The following C2 variants were observed in gnomAD, a reference collection of about 807,000 sequenced individuals.
C2 encodes the protein complement C2.
Under a neutral mutation model 85.2 loss-of-function variants are expected in C2, and 64 were observed. The ratio of observed to expected loss-of-function variants is 0.75; its 90% CI spans 0.61 to 0.92. C2 has a LOEUF of 0.92. Ranked by LOEUF, C2 falls within the 40% of genes least tolerant of loss-of-function variation. C2 has a pLI of 0.00. For missense variants in C2, 820 were observed against 971.6 expected (o/e 0.84, Z 2.07); for synonymous variants, 311 against 370.8 (o/e 0.84, Z 1.85).
chr6:31,930,166 C>A (rs1769620893), intron 3 of C2, among the ~76,000 whole-genome samples: 1 of 151,458 alleles, frequency 6.6e-6, no homozygotes, highest in African/African-American at 2.4e-5. Context: ...ACCGCAACAT[C>A]TGCCTCCCGG....
At chr6:31,937,832 G>A (rs537061224) in intron 8 of C2, among the ~76,000 whole-genome samples, 3 of 151,816 alleles carry the variant, frequency 2.0e-5, no homozygotes, top group Non-Finnish European at 2.9e-5. Flanking sequence ...GTGAAACCCC[G>A]TCTCTACTAA....
At chr6:31,927,605 A>G, upstream of C2, 1 of 1,580,364 alleles carries the variant, frequency 6.3e-7, no homozygotes, top group Non-Finnish European at 8.6e-7. The surrounding 1 kb of genome is among the most constrained non-coding windows in gnomAD (Gnocchi z 4.7). Context: ...TTATTTCCCT[A>G]ACAGAAGACC....
Position 31,934,266 on chromosome 6 carries a change from CTT to C in C2, c.817_818del (p.Phe273GlnfsTer15). 1 of 1,614,118 alleles carries C rather than the reference CTT, an allele frequency of 6.2e-7. No homozygotes were observed. The highest frequency in any genetic ancestry group is 8.5e-7 in the Non-Finnish European group (1 of 1,179,954). On this transcript the variant is annotated frameshift_variant, in exon 6 of 18. Coordinates refer to ENST00000299367, the MANE Select transcript of C2 (RefSeq NM_000063.6). LOFTEE classifies it high-confidence loss of function. ...QSVSENDFLI[F>X]KESASLMVDR... ...GTGTGTCGGAAAATGACTTTCTCATCTTCAAGGAGAGCGCCTCCCTCATGGTG... is the reference window on the plus strand; with the variant it reads ...GTGTGTCGGAAAATGACTTTCTCATCCAAGGAGAGCGCCTCCCTCATGGTG...
chr6:31,937,338 G>T lies in C2; in HGVS notation c.1008G>T (p.Gly336=), dbSNP rs1317780525. The T allele has an allele frequency of 6.2e-7, 1 of 1,612,884 alleles. No homozygotes were observed. Among genetic ancestry groups the T allele is most frequent in the South Asian group, 1.1e-5 (1 of 91,068 alleles). The change falls in exon 8 of 18, where the codon GGG becomes GGT. Residue 336 remains glycine, a synonymous_variant. Transcript: ENST00000299367. ...ANYKDHENGT[G]TNTYAALNSV... is the part of the protein sequence containing the mutation. ...TTCCAGATCATGAAAATGGAACTGG[G>T]ACTAACACCTATGCGGCCTTAAACA...
At chr6:31,934,523 A>G in intron 6 of C2, 1 of 1,316,974 alleles carries the variant, frequency 7.6e-7, no homozygotes, top group Non-Finnish European at 1.0e-6. Context: ...GACAGCAAAG[A>G]TGGAAAGGCT....
chr6:31,910,340 ATT>A (rs1209105027), intron 1 of C2, among the ~76,000 whole-genome samples: 1 of 137,086 alleles, frequency 7.3e-6, no homozygotes. Context: ...TCCTTTGCTC[ATT>A]TTTTTTTTTT....
upstream of C2, chr6:31,900,489 C>T (rs1311934802): frequency 6.2e-7 from 1 of 1,608,846 alleles, no homozygotes; most frequent in Non-Finnish European, 8.5e-7. This position sits in a 1 kb window ranked among gnomAD's most constrained non-coding sequence, Gnocchi z 9.7. Flanking sequence ...TCCCCTTCTG[C>T]ATCTTCCGAC....
chr6:31,916,242 T>A (rs1285459533), upstream of C2, among the ~76,000 whole-genome samples: 1 of 152,076 alleles, frequency 6.6e-6, no homozygotes, highest in African/African-American at 2.4e-5. Flanking sequence ...TGTGAGATCC[T>A]GAAGGAGGAA....
At chr6:31,918,144 G>A (rs902889539), upstream of C2, among the ~76,000 whole-genome samples, 1 of 152,028 alleles carries the variant, frequency 6.6e-6, no homozygotes, top group African/African-American at 2.4e-5. Context: ...ACTTAGCCTG[G>A]TATGATGGCA....
In C2 at chr6:31,945,167, C is replaced by A; in HGVS notation, c.2080-11C>A. ...TGGCAGCCTCCCAGCCAGTTCTCTC[C>A]TTTTCTCCAGGTGGGTCTGGTGAGC... On this transcript the variant is annotated splice_polypyrimidine_tract_variant and intron_variant, in intron 17 of 17. Transcript: ENST00000299367. This position sits in a 1 kb window ranked among gnomAD's most constrained non-coding sequence, Gnocchi z 5.3. 1 of 1,612,940 alleles carries A rather than the reference C, an allele frequency of 6.2e-7. No individual in the cohort carries two copies. The highest frequency in any genetic ancestry group is 8.5e-7 in the Non-Finnish European group (1 of 1,179,960).
intron 1 of C2, among the ~76,000 whole-genome samples, chr6:31,902,799 G>C (rs1767452394): frequency 6.6e-6 from 1 of 152,086 alleles, no homozygotes; most frequent in African/African-American, 2.4e-5. Flanking sequence ...TCTTGCCAAG[G>C]CAGTCGCCCT....
intron 1 of C2, among the ~76,000 whole-genome samples, chr6:31,903,289 C>T (rs1767498878): frequency 6.6e-6 from 1 of 152,184 alleles, no homozygotes; most frequent in Non-Finnish European, 1.5e-5. Context: ...AGACTATAAA[C>T]TTCTTGGTTG....
rs1254948499 is a variant in C2, at chr6:31,935,192, T to C, written c.850-731T>C. The C allele has an allele frequency of 1.7e-5, 7 of 414,858 alleles. No homozygotes were observed. The Admixed American group carries it at 4.5e-4, about 27-fold the overall frequency. 25.7% of individuals were successfully genotyped at this position (414,858 alleles called of 1,614,324 possible). A position where few individuals can be genotyped will look rare whatever the true frequency, so the allele number is the denominator to read the frequency against. On this transcript the variant is annotated intron_variant, in intron 6 of 17. Coordinates refer to ENST00000299367, the MANE Select transcript of C2 (RefSeq NM_000063.6). The surrounding 1 kb of genome is among the most constrained non-coding windows in gnomAD (Gnocchi z 4.3). ...TAAAGAGGGCAGTTTCTGTGCTCTC[T>C]TGGGACTCAAAATTAAGTAACTCAT...
In C2 at chr6:31,943,446, C is replaced by T; in HGVS notation, c.1486C>T (p.Leu496Phe). 6.2e-7 allele frequency: 1 copy of T among 1,613,088 alleles called. No individual in the cohort carries two copies. Among genetic ancestry groups the T allele is most frequent in the South Asian group, 1.1e-5 (1 of 91,088 alleles). ...PKSQETCRGA[L>F]ISDQWVLTAA... ...GAGCCAAGAGACCTGCCGGGGGGCCCTCATCTCCGACCAATGGGTCCTGAC... is the reference window on the plus strand; with the variant it reads ...GAGCCAAGAGACCTGCCGGGGGGCCTTCATCTCCGACCAATGGGTCCTGAC... Residue 496 changes from leucine to phenylalanine, a missense_variant, in exon 12 of 18, where the codon CTC becomes TTC. Transcript: ENST00000299367. This position sits in a 1 kb window ranked among gnomAD's most constrained non-coding sequence, Gnocchi z 6.4.
rs1768873002 is a variant in C2 at position 31,920,307 on chromosome 6, G to A, written c.-100+281G>A. 6.6e-6 allele frequency: 1 copy of A among 152,248 alleles called. No individual in the cohort carries two copies. Among genetic ancestry groups the A allele is most frequent in the African/African-American group, 2.4e-5 (1 of 41,444 alleles). 9.4% of individuals were successfully genotyped at this position (152,248 alleles called of 1,614,324 possible). On this transcript the variant is annotated intron_variant, in intron 1 of 3. Coordinates refer to the C2 transcript ENST00000413154. The surrounding 1 kb of genome is among the most constrained non-coding windows in gnomAD (Gnocchi z 5.6). ...CATGTGAGCCCCAGGCTATCCTTTT[G>A]TCAAGAGGGTACTGGTACCCAGAAC...
upstream of C2, chr6:31,927,676 G>C (rs1413090315): frequency 1.9e-6 from 3 of 1,612,292 alleles, no homozygotes; most frequent in Non-Finnish European, 2.5e-6. The surrounding 1 kb of genome is among the most constrained non-coding windows in gnomAD (Gnocchi z 4.7). Context: ...TGCTGACCCA[G>C]CTCTAGTTTT....
In C2 at chr6:31,928,896, A is replaced by G. The variant is rs1023850620; in HGVS notation, c.421A>G (p.Thr141Ala). The G allele has an allele frequency of 1.2e-6, 2 of 1,613,738 alleles. No homozygotes were observed. The highest frequency in any genetic ancestry group is 1.7e-6 in the Non-Finnish European group (2 of 1,179,694). ...CCCCAACGGCATGTGGGATGGAGAAACAGCTGTGTGTGATAATGGGGGTGA... is the reference window on the plus strand; with the variant it reads ...CCCCAACGGCATGTGGGATGGAGAAGCAGCTGTGTGTGATAATGGGGGTGA... ...CRPNGMWDGE[T>A]AVCDNGAGHC... is the part of the protein sequence containing the mutation. Residue 141 changes from threonine (T) to alanine (A), a missense_variant, in exon 3 of 18, where the codon ACA (threonine) becomes GCA (alanine). Thr to Ala is a moderately conservative substitution (Grantham distance 58). Transcript: ENST00000299367.
upstream of C2, chr6:31,897,813 T>C (rs1766793367): frequency 3.0e-6 from 3 of 1,002,088 alleles, no homozygotes; most frequent in South Asian, 9.5e-5. Context: ...GCCTCGGAGA[T>C]GGCTGTGACT....
chr6:31,943,294 G>A lies in C2; in HGVS notation c.1430G>A (p.Arg477Lys). Residue 477 changes from arginine (R) to lysine (K), a missense_variant, in exon 11 of 18, where the codon AGG becomes AAG. Coordinates refer to ENST00000299367, the MANE Select transcript of C2 (RefSeq NM_000063.6). The surrounding 1 kb of genome is among the most constrained non-coding windows in gnomAD (Gnocchi z 6.4). ...NMSANASDQE[R>K]TPWHVTIKPK... is the part of the protein sequence containing the mutation. Reference sequence around the variant, plus strand: ...TCAGCAAACGCCTCTGACCAGGAGAGGACACCCTGGCATGTCACTATTAAG... The same window carrying A: ...TCAGCAAACGCCTCTGACCAGGAGAAGACACCCTGGCATGTCACTATTAAG... 1 of 1,612,974 alleles carries A rather than the reference G, an allele frequency of 6.2e-7. No individual in the cohort carries two copies. Among genetic ancestry groups the A allele is most frequent in the South Asian group, 1.1e-5 (1 of 91,080 alleles).
Sources: gnomAD v4.1 joint callset for allele counts (sites outside exome capture counted in the v4.1 genomes callset) on GRCh38, gnomAD v4.1.1 for gene constraint, Gnocchi (gnomAD v3.1) non-coding constraint, MANE v1.5 for transcripts, NCBI Gene and HGNC (gene_info 2026-07-23, HGNC 2026-07-21) for gene names.